Variants in CENPC observed in about 807,000 individuals in gnomAD.
The protein encoded by CENPC is CENP-C 1.
A neutral mutation model predicts 112.1 loss-of-function variants in CENPC; 63 were observed. The ratio of observed to expected loss-of-function variants is 0.56; its 90% CI spans 0.46 to 0.69. The LOEUF (loss-of-function observed/expected upper bound fraction) is 0.69. Ranked by LOEUF, CENPC falls within the 30% of genes least tolerant of loss-of-function variation. CENPC has a pLI of 0.00. For missense variants in CENPC, 1,000 were observed against 1,103.8 expected, an observed-to-expected ratio of 0.91 and a Z score of 1.33; for synonymous variants, 333 against 367.6, an observed-to-expected ratio of 0.91 and a Z score of 1.08.
At chr4:67,481,440 T>C (rs1315798184) in intron 17 of CENPC, among the ~76,000 whole-genome samples, 2 of 152,114 alleles carry the variant, frequency 1.3e-5, no homozygotes, top group Admixed American at 6.6e-5. Context: ...AGGGCCTGCA[T>C]AGCCAAAGGG....
At position 67,544,202 on chromosome 4, in the gene CENPC, GA is replaced by G; in HGVS notation, c.19-8del. 1.3e-6 allele frequency: 2 copies of G among 1,530,498 alleles called. No individual in the cohort carries two copies. Among genetic ancestry groups the G allele is most frequent in the Non-Finnish European group, 1.8e-6 (2 of 1,106,596 alleles). 94.8% of individuals were successfully genotyped at this position (1,530,498 alleles called of 1,614,324 possible). The stretch of plus-strand genomic sequence containing the variant: ...AGCCATTTTTGAGATGATCCTGAAA[GA>G]AAAGTAAATCATCAATTTGGTTTCT... On this transcript the variant is annotated splice_polypyrimidine_tract_variant and splice_region_variant and intron_variant, in intron 1 of 18. Coordinates refer to ENST00000273853, the MANE Select transcript of CENPC (RefSeq NM_001812.4).
At chr4:67,514,762 G>T in intron 7 of CENPC, 75 bp from the exon 8 acceptor site, 2 of 1,372,620 alleles carry the variant, frequency 1.5e-6, no homozygotes, top group South Asian at 1.6e-5. Flanking sequence ...AAATAATCTA[G>T]GAAATAAAAT....
chr4:67,495,332 T>A, intron 12 of CENPC, 120 bp from the exon 13 acceptor site: 1 of 900,004 alleles, frequency 1.1e-6, no homozygotes. Flanking sequence ...TGATAATGTA[T>A]TTTATTACTC....
chr4:67,529,543 C>A (rs1726484647), intron 5 of CENPC, among the ~76,000 whole-genome samples: 1 of 152,100 alleles, frequency 6.6e-6, no homozygotes, highest in South Asian at 2.1e-4. Flanking sequence ...CCATGCTGGT[C>A]TCAAACTCCT....
intron 4 of CENPC, among the ~76,000 whole-genome samples, chr4:67,538,135 C>T (rs1726781574): frequency 1.3e-5 from 2 of 152,116 alleles, no homozygotes; most frequent in Admixed American, 1.3e-4. Context: ...CTGAACAACT[C>T]ATTTTACAAG....
intron 17 of CENPC, among the ~76,000 whole-genome samples, chr4:67,475,207 A>C (rs1205739140): frequency 6.6e-6 from 1 of 152,234 alleles, no homozygotes; most frequent in Admixed American, 6.5e-5. Flanking sequence ...TTAAAAATAG[A>C]GTACTTTCTC....
chr4:67,505,647 T>G (rs1028965473), intron 11 of CENPC, among the ~76,000 whole-genome samples: 4 of 152,220 alleles, frequency 2.6e-5, no homozygotes, highest in Non-Finnish European at 5.9e-5. Context: ...TTATTTGTAT[T>G]ATTTTAAATG....
At chr4:67,541,205 T>C (rs1471474015) in intron 2 of CENPC, among the ~76,000 whole-genome samples, 155 bp from the exon 3 acceptor site, 1 of 152,186 alleles carries the variant, frequency 6.6e-6, no homozygotes, top group Non-Finnish European at 1.5e-5. Flanking sequence ...TGAGGGTCTA[T>C]ACATTCCCTC....
chr4:67,483,741 T>A (rs999672560), intron 17 of CENPC, among the ~76,000 whole-genome samples: 3 of 151,708 alleles, frequency 2.0e-5, no homozygotes, highest in African/African-American at 4.8e-5. Flanking sequence ...AAGGCTGATG[T>A]GCTGTTTGTG....
At chr4:67,533,452 C>G (rs937910967) in intron 4 of CENPC, among the ~76,000 whole-genome samples, 1 of 152,196 alleles carries the variant, frequency 6.6e-6, no homozygotes, top group Admixed American at 6.6e-5. Context: ...TGAGTGACCA[C>G]AGTATGGAAT....
intron 5 of CENPC, among the ~76,000 whole-genome samples, chr4:67,528,605 G>T (rs899656771): frequency 1.3e-5 from 2 of 152,118 alleles, no homozygotes; most frequent in Non-Finnish European, 2.9e-5. Flanking sequence ...CAGTTTGCAT[G>T]TTTTAATGTG....
rs60211380 is a variant in CENPC, at chr4:67,491,456, T to TAA, written c.2515+723_2515+724insTT. Among the ~76,000 whole-genome samples the TAA allele has an allele frequency of 5.0e-3, 175 of 35,210 alleles. 2 individuals are homozygous for TAA. The highest frequency in any genetic ancestry group is 0.016 in the African/African-American group (171 of 10,916). The allele number at this position is 35,210 out of a possible 152,430, so 23.1% of individuals were successfully genotyped here. A position where few individuals can be genotyped will look rare whatever the true frequency, so the allele number is the denominator to read the frequency against. ...TATATTTAAATATTTCATATATATATATATATATATATATATATATATATA... is the reference window on the plus strand; with the variant it reads ...TATATTTAAATATTTCATATATATATAAATATATATATATATATATATATATA... On this transcript the variant is annotated intron_variant, in intron 16 of 18. Coordinates refer to ENST00000273853, the MANE Select transcript of CENPC (RefSeq NM_001812.4).
intron 3 of CENPC, among the ~76,000 whole-genome samples, chr4:67,540,382 T>C (rs1726854183): frequency 6.6e-6 from 1 of 152,180 alleles, no homozygotes; most frequent in Non-Finnish European, 1.5e-5. Flanking sequence ...TTATATATTT[T>C]TTCTGGCTAG....
chr4:67,518,885 T>C (rs1372914059), intron 6 of CENPC, among the ~76,000 whole-genome samples: 2 of 152,172 alleles, frequency 1.3e-5, no homozygotes, highest in East Asian at 1.9e-4. Context: ...TCTGCTACCC[T>C]TGAAGTGACC....
At position 67,512,503 on chromosome 4, in the gene CENPC, G is replaced by A. The variant is rs765488619; in HGVS notation, c.1511C>T (p.Ser504Phe). 6.3e-7 allele frequency: 1 copy of A among 1,588,778 alleles called. No homozygotes were observed. Residue 504 changes from serine (S) to phenylalanine (F), a missense_variant, in exon 9 of 19, where the codon TCC becomes TTC. Coordinates refer to ENST00000273853, the MANE Select transcript of CENPC (RefSeq NM_001812.4). ...ESKKKRFSSE[S>F]KNKLVPEEVT... Reference sequence around the variant, plus strand: ...TTCTTCAGGTACAAGTTTGTTCTTGGACTCACTGGAAAAGCGCTTCTTTTT... The same window carrying A: ...TTCTTCAGGTACAAGTTTGTTCTTGAACTCACTGGAAAAGCGCTTCTTTTT...
At chr4:67,538,580 A>C (rs1726793305) in intron 4 of CENPC, among the ~76,000 whole-genome samples, 1 of 152,216 alleles carries the variant, frequency 6.6e-6, no homozygotes, top group Admixed American at 6.5e-5. Flanking sequence ...GGATTCAGGA[A>C]GACCAAAGTG....
At chr4:67,504,791 C>T (rs1005633886) in intron 12 of CENPC, among the ~76,000 whole-genome samples, 2 of 151,776 alleles carry the variant, frequency 1.3e-5, no homozygotes, top group African/African-American at 4.8e-5. Context: ...CACTGCACTC[C>T]AGCCTGGGAG....
chr4:67,483,782 T>G, intron 17 of CENPC, among the ~76,000 whole-genome samples: 1 of 151,786 alleles, frequency 6.6e-6, no homozygotes, highest in Admixed American at 6.6e-5. Flanking sequence ...GTTTTAAAAG[T>G]TAAAAAAAAA....
intron 7 of CENPC, among the ~76,000 whole-genome samples, chr4:67,516,109 T>C (rs1158109553): frequency 2.0e-5 from 3 of 152,044 alleles, no homozygotes; most frequent in African/African-American, 7.3e-5. Flanking sequence ...AGCATGTACA[T>C]GTTAAGAACA....
Sources: gnomAD v4.1 joint callset for allele counts (sites outside exome capture counted in the v4.1 genomes callset) on GRCh38, gnomAD v4.1.1 for gene constraint, MANE v1.5 for transcripts, NCBI Gene and HGNC (gene_info 2026-07-23, HGNC 2026-07-21) for gene names.